Variants in FAM240C observed in about 807,000 individuals in gnomAD.
FAM240C encodes the protein protein FAM240C.
FAM240C carries 14 observed loss-of-function variants against 10.0 expected under a neutral mutation model. That is an observed-to-expected ratio of 1.40 (90% confidence interval 0.92 to 2.19). The LOEUF is 2.19. FAM240C is among the 30% of genes most tolerant of loss of function. The pLI, the probability that FAM240C is intolerant of heterozygous loss-of-function variation, is 0.00. For missense variants in FAM240C, 154 were observed against 122.3 expected (o/e 1.26, Z -1.22); for synonymous variants, 49 against 44.3 (o/e 1.11, Z -0.42).
chr2:241,896,461 C>T (rs1190539519), intron 2 of FAM240C, among the ~76,000 whole-genome samples: 1 of 129,852 alleles, frequency 7.7e-6, no homozygotes, highest in African/African-American at 2.9e-5. Flanking sequence ...TGATCCTGGA[C>T]GGAGTGTCAG....
chr2:241,899,373 TG>T, intron 1 of FAM240C: 20 of 982,490 alleles, frequency 2.0e-5, no homozygotes, highest in Non-Finnish European at 2.3e-5. Context: ...CATGCAAAGT[TG>T]ATCATGAAGG....
chr2:241,897,436 C>G (rs1161360921), intron 1 of FAM240C, 102 bp from the exon 2 acceptor site: 1 of 1,389,526 alleles, frequency 7.2e-7, no homozygotes, highest in African/African-American at 1.4e-5. Context: ...GCTCAGCCTG[C>G]AGCATCGTGG....
At chr2:241,897,042 T>A in intron 2 of FAM240C, 144 bp downstream of exon 2, 1 of 864,102 alleles carries the variant, frequency 1.2e-6, no homozygotes, top group Non-Finnish European at 1.7e-6. Context: ...GGTTGACTCC[T>A]TTCACAGGCC....
chr2:241,897,929 C>G (rs1701892604), intron 1 of FAM240C, among the ~76,000 whole-genome samples: 1 of 152,130 alleles, frequency 6.6e-6, no homozygotes, highest in Non-Finnish European at 1.5e-5. Flanking sequence ...GAGATTGGGT[C>G]TCACTATGTT....
At chr2:241,894,404 C>G (rs1288507235) in intron 2 of FAM240C, 65 bp from the exon 3 acceptor site, 8 of 1,496,396 alleles carry the variant, frequency 5.3e-6, no homozygotes, top group Admixed American at 2.0e-5. Context: ...CGGCCAAGCC[C>G]GTGTCTCTCA....
chr2:241,899,127 GA>G (rs1701922292), intron 1 of FAM240C: 1 of 1,304,094 alleles, frequency 7.7e-7, no homozygotes, highest in Non-Finnish European at 1.0e-6. Flanking sequence ...GCTTCAGGTG[GA>G]GAGGGTAAGG....
chr2:241,899,192 C>T (rs1470498475), intron 1 of FAM240C: 6 of 1,303,956 alleles, frequency 4.6e-6, no homozygotes, highest in East Asian at 5.5e-5. Flanking sequence ...GGGACTCCTT[C>T]GAGGAGCTTG....
chr2:241,896,835 TGGGGTGTGGGTGAA>T (rs1701850573), intron 2 of FAM240C, among the ~76,000 whole-genome samples: 2 of 18,212 alleles, frequency 1.1e-4, no homozygotes, highest in Non-Finnish European at 1.8e-4. Flanking sequence ...GTGTGGGTGT[TGGGGTGTGGGTGAA>T]GGGGTGTGGG....
At chr2:241,896,309 GA>G (rs1701800832) in intron 2 of FAM240C, among the ~76,000 whole-genome samples, 1 of 152,226 alleles carries the variant, frequency 6.6e-6, no homozygotes, top group Non-Finnish European at 1.5e-5. Context: ...CCCTAGGAGA[GA>G]AAGGCGTGCT....
chr2:241,895,138 G>A (rs1701763733), intron 2 of FAM240C, among the ~76,000 whole-genome samples: 1 of 152,254 alleles, frequency 6.6e-6, no homozygotes, highest in Non-Finnish European at 1.5e-5. Context: ...GTGCTGCTGA[G>A]TGGCAGGCAG....
chr2:241,896,416 C>A (rs559964266), intron 2 of FAM240C, among the ~76,000 whole-genome samples: 89 of 151,428 alleles, frequency 5.9e-4, no homozygotes, highest in South Asian at 3.1e-3. Flanking sequence ...GAAAAACAAG[C>A]CAGAGAAAGA....
intron 1 of FAM240C, 67 bp from the exon 2 acceptor site, chr2:241,897,401 C>A: frequency 6.6e-7 from 1 of 1,511,272 alleles, no homozygotes. Flanking sequence ...GTTTGTGCTC[C>A]AGCACCCGGA....
Position 241,900,436 on chromosome 2 carries a change from C to T in FAM240C, c.-67G>A, listed in dbSNP as rs76531340. On this transcript the variant is annotated 5_prime_UTR_variant, in exon 1 of 3. In the 5' UTR this introduces an upstream ATG that the reference lacks. Transcript: ENST00000404031. The surrounding 1 kb of genome is among the most constrained non-coding windows in gnomAD (Gnocchi z 4.5). ...CTCAGCCTGTCCTCTCCGGGGTGCA[C>T]GCCTGTATCTCGCCTGCCGCTCTCT... 3.2e-3 allele frequency: 2,285 copies of T among 714,114 alleles called. 40 individuals carry two copies. The African/African-American group carries it at 0.036, about 11-fold the overall frequency. The allele number at this position is 714,114 out of a possible 1,614,324, so 44.2% of individuals were successfully genotyped here. A position where few individuals can be genotyped will look rare whatever the true frequency, so the allele number is the denominator to read the frequency against.
intron 1 of FAM240C, 137 bp from the exon 2 acceptor site, chr2:241,897,471 G>A (rs992546933): frequency 9.7e-7 from 1 of 1,033,972 alleles, no homozygotes; most frequent in Non-Finnish European, 1.4e-6. Context: ...GTTCGTGGGG[G>A]ATGGCGGAGG....
upstream of FAM240C, among the ~76,000 whole-genome samples, chr2:241,901,941 C>T (rs573099517): frequency 6.6e-6 from 1 of 152,364 alleles, no homozygotes; most frequent in East Asian, 1.9e-4. The surrounding 1 kb of genome is among the most constrained non-coding windows in gnomAD (Gnocchi z 4.9). Context: ...TTCCAGGCCC[C>T]TTCCTTCTGA....
At chr2:241,897,824 G>A (rs1485304846) in intron 1 of FAM240C, among the ~76,000 whole-genome samples, 2 of 152,100 alleles carry the variant, frequency 1.3e-5, no homozygotes, top group Non-Finnish European at 2.9e-5. Context: ...AGCCTTGACC[G>A]CCTGAACTCA....
chr2:241,894,123 A>T lies in FAM240C; in HGVS notation c.*90T>A, dbSNP rs1437406436. The stretch of plus-strand genomic sequence containing the variant: ...CCATTTCCATGATGAAGATCCTGTG[A>T]ACTCTGGCGTGGATGCTTGGACCCC... On this transcript the variant is annotated 3_prime_UTR_variant, in exon 3 of 3. Transcript: ENST00000404031. The T allele has an allele frequency of 4.3e-6, 6 of 1,403,364 alleles. No homozygotes were observed. The highest frequency in any genetic ancestry group is 2.4e-5 in the Admixed American group (1 of 42,276). The allele number at this position is 1,403,364 out of a possible 1,614,324, so 86.9% of individuals were successfully genotyped here. A position where few individuals can be genotyped will look rare whatever the true frequency, so the allele number is the denominator to read the frequency against.
At chr2:241,898,241 T>C (rs528897469) in intron 1 of FAM240C, among the ~76,000 whole-genome samples, 2 of 152,172 alleles carry the variant, frequency 1.3e-5, no homozygotes, top group South Asian at 4.1e-4. Flanking sequence ...TCTTAGAATA[T>C]CAATCTACAG....
At chr2:241,901,341 G>A (rs1368302335), upstream of FAM240C, among the ~76,000 whole-genome samples, 1 of 152,210 alleles carries the variant, frequency 6.6e-6, no homozygotes. The surrounding 1 kb of genome is among the most constrained non-coding windows in gnomAD (Gnocchi z 4.9). Flanking sequence ...CCGTGATCTC[G>A]TTTCAGTCTC....
Sources: gnomAD v4.1 joint callset for allele counts (sites outside exome capture counted in the v4.1 genomes callset) on GRCh38, gnomAD v4.1.1 for gene constraint, Gnocchi (gnomAD v3.1) non-coding constraint, MANE v1.5 for transcripts, NCBI Gene and HGNC (gene_info 2026-07-23, HGNC 2026-07-21) for gene names.